The following ADCY1 variants were observed in gnomAD, a reference collection of about 807,000 sequenced individuals.
The protein encoded by ADCY1 is adenylate cyclase 1.
A neutral mutation model predicts 105.4 loss-of-function variants in ADCY1; 28 were observed. The observed-to-expected ratio is 0.27, with a 90% CI of 0.20 to 0.36. The LOEUF (loss-of-function observed/expected upper bound fraction) is 0.36. Ranked by LOEUF, ADCY1 falls within the 10% of genes least tolerant of loss-of-function variation. The pLI is 1.00. For synonymous variants in ADCY1, 655 were observed against 623.8 expected (o/e 1.05, Z -0.75); for missense variants, 977 against 1,434.2 (o/e 0.68, Z 5.15).
At chr7:45,641,883 G>A (rs1446368087) in intron 4 of ADCY1, among the ~76,000 whole-genome samples, 4 of 112,522 alleles carry the variant, frequency 3.6e-5, no homozygotes, top group Admixed American at 1.2e-4. Context: ...CCGAGATTGC[G>A]CCACTGCAGT....
intron 4 of ADCY1, among the ~76,000 whole-genome samples, chr7:45,632,868 G>T (rs545661404): frequency 6.6e-6 from 1 of 152,194 alleles, no homozygotes; most frequent in Admixed American, 6.5e-5. Context: ...ACCATGCTCG[G>T]CCAATGTATA....
intron 1 of ADCY1, among the ~76,000 whole-genome samples, chr7:45,581,930 A>G (rs1282755849): frequency 6.6e-6 from 1 of 152,158 alleles, no homozygotes; most frequent in Non-Finnish European, 1.5e-5. Flanking sequence ...ACATGCATGC[A>G]CATAATCACA....
intron 14 of ADCY1, among the ~76,000 whole-genome samples, chr7:45,701,173 T>C (rs573024728): frequency 3.9e-5 from 6 of 152,236 alleles, no homozygotes; most frequent in Non-Finnish European, 5.9e-5. Flanking sequence ...TGGGAAAATC[T>C]TATAGACTGA....
Position 45,686,094 on chromosome 7 carries a change from G to A in ADCY1, c.2206G>A (p.Val736Met), listed in dbSNP as rs372308872. The change falls in exon 13 of 20, where the codon GTG becomes ATG. Residue 736 changes from valine (V) to methionine (M), a missense_variant. Around this residue, in one of 7 missense-constraint regions of ADCY1, gnomAD observed 275 missense variants for 362.1 expected, o/e 0.76. Coordinates refer to ENST00000297323, the MANE Select transcript of ADCY1 (RefSeq NM_021116.4). This position sits in a 1 kb window ranked among gnomAD's most constrained non-coding sequence, Gnocchi z 4.3. ...STHHALLCCL[V>M]GTLPLAIFFR... ...ACACCATGCCCTGCTCTGCTGCCTG[G>A]TGGGCACCCTCCCGCTAGCCATATT... 6.2e-7 allele frequency: 1 copy of A among 1,614,106 alleles called. No homozygotes were observed. Among genetic ancestry groups the A allele is most frequent in the Non-Finnish European group, 8.5e-7 (1 of 1,179,998 alleles).
At chr7:45,669,552 A>C (rs1040851733) in intron 8 of ADCY1, among the ~76,000 whole-genome samples, 1 of 152,114 alleles carries the variant, frequency 6.6e-6, no homozygotes, top group Non-Finnish European at 1.5e-5. Context: ...ACTTCCAACT[A>C]TGTGGTCAAT....
In ADCY1 at chr7:45,656,114, C is replaced by T. The variant is rs761166739; in HGVS notation, c.1149-1613C>T. 7.3e-5 allele frequency among the ~76,000 whole-genome samples: 11 copies of T among 151,154 alleles called. No individual in the cohort carries two copies. The East Asian group carries it at 1.2e-3, about 16-fold the overall frequency. On this transcript the variant is annotated intron_variant, in intron 5 of 19. Coordinates refer to ENST00000297323, the MANE Select transcript of ADCY1 (RefSeq NM_021116.4). The stretch of plus-strand genomic sequence containing the variant: ...CATCCTGGCTAACATGGTGAAACCC[C>T]GACTCTATTAAAAATACAAAAAAAA...
intron 8 of ADCY1, 72 bp downstream of exon 8, chr7:45,662,286 G>A: frequency 6.7e-7 from 1 of 1,492,566 alleles, no homozygotes; most frequent in Non-Finnish European, 9.0e-7. Context: ...TCCCAATATG[G>A]CCCCCGTGCC....
In ADCY1 at chr7:45,662,116, ACTGT is replaced by A; in HGVS notation, c.1511_1514del (p.Val504AlafsTer24). Reference sequence around the variant, plus strand: ...ACCGGCCAAAAGGATGAAGTTCAAGACTGTCTGCTACCTGCTGGTGCAGCTCATG... The same window carrying A: ...ACCGGCCAAAAGGATGAAGTTCAAGACTGCTACCTGCTGGTGCAGCTCATG... On this transcript the variant is annotated frameshift_variant, in exon 8 of 20. Transcript: ENST00000297323. LOFTEE classifies it high-confidence loss of function. 6.2e-7 allele frequency: 1 copy of A among 1,614,156 alleles called. No individual in the cohort carries two copies. Among genetic ancestry groups the A allele is most frequent in the Non-Finnish European group, 8.5e-7 (1 of 1,180,012 alleles).
chr7:45,703,372 C>G lies in ADCY1; in HGVS notation c.2455-4C>G, dbSNP rs1584343196. 1 of 1,613,744 alleles carries G rather than the reference C, an allele frequency of 6.2e-7. No individual in the cohort carries two copies. The highest frequency in any genetic ancestry group is 8.5e-7 in the Non-Finnish European group (1 of 1,179,818). On this transcript the variant is annotated splice_polypyrimidine_tract_variant and splice_region_variant and intron_variant, in intron 14 of 19. Transcript: ENST00000297323. The surrounding 1 kb of genome is among the most constrained non-coding windows in gnomAD (Gnocchi z 5.9). Reference sequence around the variant, plus strand: ...GGGACTAATGGAGGCTCATGATACCCCAGGCAGAGGAGGAGCGAGAGGACA... The same window carrying G: ...GGGACTAATGGAGGCTCATGATACCGCAGGCAGAGGAGGAGCGAGAGGACA...
At chr7:45,665,460 T>G (rs1784213045) in intron 8 of ADCY1, among the ~76,000 whole-genome samples, 1 of 152,246 alleles carries the variant, frequency 6.6e-6, no homozygotes, top group Non-Finnish European at 1.5e-5. Context: ...GCAGCACAGT[T>G]GTCTCCTCTA....
intron 4 of ADCY1, among the ~76,000 whole-genome samples, chr7:45,630,313 T>G (rs968864954): frequency 9.9e-5 from 15 of 152,216 alleles, no homozygotes; most frequent in Non-Finnish European, 7.3e-5. Context: ...TTTTGTGTTG[T>G]ATTTAAAAAG....
intron 2 of ADCY1, among the ~76,000 whole-genome samples, chr7:45,604,189 C>T (rs1793317188): frequency 6.6e-6 from 1 of 152,138 alleles, no homozygotes; most frequent in Non-Finnish European, 1.5e-5. Context: ...TGTCTTTTGC[C>T]TACTTTCTAA....
At chr7:45,664,483 ACT>A in intron 8 of ADCY1, 5 of 1,481,336 alleles carry the variant, frequency 3.4e-6, no homozygotes, top group African/African-American at 1.4e-5. Context: ...TTCTCTCAGC[ACT>A]CTCTCCTGAT....
chr7:45,589,169 G>C (rs530169664), intron 1 of ADCY1, among the ~76,000 whole-genome samples: 1 of 152,128 alleles, frequency 6.6e-6, no homozygotes, highest in East Asian at 1.9e-4. Context: ...GTCCTCGCTC[G>C]CAGCCCAGCA....
Position 45,665,662 on chromosome 7 carries a change from G to A in ADCY1, c.1605+3448G>A, listed in dbSNP as rs150005502. On this transcript the variant is annotated intron_variant, in intron 8 of 19. Coordinates refer to ENST00000297323, the MANE Select transcript of ADCY1 (RefSeq NM_021116.4). ...TTCCTTCTAGAAAATCAATTTGGGTGTGCACCAGAGGTTAATGCAAATAGA... is the reference window on the plus strand; with the variant it reads ...TTCCTTCTAGAAAATCAATTTGGGTATGCACCAGAGGTTAATGCAAATAGA... Among the ~76,000 whole-genome samples the A allele has an allele frequency of 1.6e-3, 240 of 152,364 alleles. 1 individual carries two copies. Among genetic ancestry groups the A allele is most frequent in the Middle Eastern group, 0.014 (4 of 294 alleles).
At chr7:45,662,287 C>T (rs1393422120) in intron 8 of ADCY1, 73 bp downstream of exon 8, 13 of 1,489,270 alleles carry the variant, frequency 8.7e-6, no homozygotes, top group African/African-American at 1.4e-5. Context: ...CCCAATATGG[C>T]CCCCGTGCCA....
intron 14 of ADCY1, among the ~76,000 whole-genome samples, chr7:45,694,227 A>G (rs1203125765): frequency 6.6e-6 from 1 of 152,198 alleles, no homozygotes; most frequent in East Asian, 1.9e-4. Context: ...GCACATAAGT[A>G]TGAACAGTAC....
intron 3 of ADCY1, among the ~76,000 whole-genome samples, chr7:45,616,974 T>C (rs1793755891): frequency 6.6e-6 from 1 of 152,212 alleles, no homozygotes; most frequent in South Asian, 2.1e-4. Flanking sequence ...GTAGGGCACC[T>C]TGATCCTCCC....
chr7:45,634,208 C>T (rs996140459), intron 4 of ADCY1, among the ~76,000 whole-genome samples: 2 of 152,062 alleles, frequency 1.3e-5, no homozygotes, highest in African/African-American at 4.8e-5. Context: ...GCCTTTCCCG[C>T]TTGGGTGCCT....
Sources: allele counts gnomAD v4.1 joint callset (sites outside exome capture counted in the v4.1 genomes callset), GRCh38; gene constraint gnomAD v4.1.1; regional missense constraint gnomAD v4.1.1; non-coding constraint Gnocchi (gnomAD v3.1); transcripts MANE v1.5; gene names NCBI Gene and HGNC (gene_info 2026-07-23, HGNC 2026-07-21).